CFAP54: variants seen among roughly 807,000 people sequenced by gnomAD.
CFAP54 encodes the protein cilia and flagella associated protein 54, also known as cilia- and flagella-associated protein 54.
In CFAP54, 290 loss-of-function variants were observed where a neutral mutation model predicts 370.4. That is an observed-to-expected ratio of 0.78 (90% CI 0.71 to 0.86). The LOEUF (loss-of-function observed/expected upper bound fraction) is 0.86. Ranked by LOEUF, CFAP54 falls within the 40% of genes least tolerant of loss-of-function variation. The probability of loss-of-function intolerance (pLI) is 0.00; values close to 1 mark genes in which losing one functional copy is unlikely to be tolerated. For missense variants in CFAP54, 3,399 were observed against 3,528.7 expected, an observed-to-expected ratio of 0.96 and a Z score of 0.93; for synonymous variants, 1,206 against 1,236.5, an observed-to-expected ratio of 0.98 and a Z score of 0.52.
At chr12:96,768,332 T>C (rs1192528920) in intron 60 of CFAP54, among the ~76,000 whole-genome samples, 2 of 148,258 alleles carry the variant, frequency 1.3e-5, no homozygotes, top group Non-Finnish European at 3.0e-5. Flanking sequence ...AAAAATAAAA[T>C]AGAAAAAACA....
intron 67 of CFAP54, among the ~76,000 whole-genome samples, chr12:96,861,656 T>C (rs1959882058): frequency 6.6e-6 from 1 of 152,242 alleles, no homozygotes; most frequent in African/African-American, 2.4e-5. Flanking sequence ...CTTTGGAGAA[T>C]TAACTTAAAT....
At chr12:96,496,663 C>G (rs2136344107) in intron 1 of CFAP54, among the ~76,000 whole-genome samples, 1 of 152,190 alleles carries the variant, frequency 6.6e-6, no homozygotes, top group East Asian at 1.9e-4. Flanking sequence ...AATACAACCA[C>G]ACTGGAGGTT....
chr12:96,850,571 T>A (rs1959512345), intron 66 of CFAP54, among the ~76,000 whole-genome samples: 1 of 152,160 alleles, frequency 6.6e-6, no homozygotes, highest in Admixed American at 6.5e-5. Context: ...ATCCTGGCTC[T>A]GATACTAAAT....
Position 96,679,638 on chromosome 12 carries a change from G to T in CFAP54, c.5602G>T (p.Asp1868Tyr), listed in dbSNP as rs374306783. The T allele has an allele frequency of 5.9e-5, 95 of 1,613,562 alleles. No homozygotes were observed. The East Asian group carries it at 1.3e-3, about 23-fold the overall frequency. ...CAAAGCGCTTGTCTGCGTGCCCGTG[G>T]ACGTGACAGACACCTTGAGGTGTTT... ...RAKALVCVPVDVTDTLRCFRE... is the reference protein window; with the variant it reads ...RAKALVCVPVYVTDTLRCFRE... The change falls in exon 40 of 68, where the codon GAC (aspartate) becomes TAC (tyrosine). Residue 1868 changes from aspartate to tyrosine, a missense_variant. Around this residue, in one of 3 missense-constraint regions of CFAP54, gnomAD observed 2,796 missense variants for 2,869.7 expected, o/e 0.97. Transcript: ENST00000524981.
At chr12:96,494,192 A>G (rs1191305393) in intron 1 of CFAP54, among the ~76,000 whole-genome samples, 2 of 152,210 alleles carry the variant, frequency 1.3e-5, no homozygotes, top group Non-Finnish European at 2.9e-5. Flanking sequence ...AAGAGGTACA[A>G]CAGTATGAGG....
chr12:96,591,600 T>G (rs2052295), intron 23 of CFAP54, among the ~76,000 whole-genome samples: 1 of 151,622 alleles, frequency 6.6e-6, no homozygotes, highest in African/African-American at 2.4e-5. Context: ...TTAGAAATAT[T>G]TTTTTTTGGC....
intron 45 of CFAP54, among the ~76,000 whole-genome samples, chr12:96,699,582 A>T (rs1232168985): frequency 6.6e-6 from 1 of 152,096 alleles, no homozygotes; most frequent in Non-Finnish European, 1.5e-5. Context: ...TGGGCTGGAG[A>T]ACATTAGGAG....
At position 96,743,768 on chromosome 12, in the gene CFAP54, C is replaced by T; in HGVS notation, c.7415C>T (p.Ser2472Phe). Residue 2472 changes from serine to phenylalanine, a missense_variant, in exon 54 of 68, where the codon TCT becomes TTT. Coordinates refer to ENST00000524981, the MANE Select transcript of CFAP54 (RefSeq NM_001306084.2). ...IHLLEGNEFISPQSRLTLARS... is the reference protein window; with the variant it reads ...IHLLEGNEFIFPQSRLTLARS... ...TTGCTGGAAGGAAATGAATTTATTTCTCCTCAATCACGGCTAACCCTGGCA... is the reference window on the plus strand; with the variant it reads ...TTGCTGGAAGGAAATGAATTTATTTTTCCTCAATCACGGCTAACCCTGGCA... 1 of 1,610,850 alleles carries T rather than the reference C, an allele frequency of 6.2e-7. No homozygotes were observed. Among genetic ancestry groups the T allele is most frequent in the South Asian group, 1.1e-5 (1 of 90,334 alleles).
intron 66 of CFAP54, among the ~76,000 whole-genome samples, chr12:96,841,262 T>C (rs1959212790): frequency 6.6e-6 from 1 of 152,220 alleles, no homozygotes. Flanking sequence ...TCCTGAAGTT[T>C]AGTCATTTTG....
chr12:96,568,625 T>C (rs1955884720), intron 19 of CFAP54, among the ~76,000 whole-genome samples: 1 of 152,236 alleles, frequency 6.6e-6, no homozygotes, highest in East Asian at 1.9e-4. Flanking sequence ...CGTAACAGAA[T>C]GTTTTACAAT....
intron 66 of CFAP54, among the ~76,000 whole-genome samples, chr12:96,834,805 C>T (rs1959181047): frequency 6.6e-6 from 1 of 152,228 alleles, no homozygotes; most frequent in Admixed American, 6.5e-5. Flanking sequence ...TTAGCCCTGC[C>T]ATTCGGCAGC....
intron 6 of CFAP54, among the ~76,000 whole-genome samples, chr12:96,521,502 ACG>A (rs1955313906): frequency 1.7e-5 from 2 of 115,366 alleles, no homozygotes; most frequent in African/African-American, 6.9e-5. Context: ...GCAACTGAGG[ACG>A]TGTGTGTGTG....
intron 67 of CFAP54, among the ~76,000 whole-genome samples, chr12:96,874,046 C>T (rs1960228941): frequency 1.3e-5 from 2 of 152,168 alleles, no homozygotes; most frequent in African/African-American, 4.8e-5. Flanking sequence ...ATGCCAAAAT[C>T]CTCCAGTATT....
intron 67 of CFAP54, among the ~76,000 whole-genome samples, chr12:96,871,956 G>A (rs572466956): frequency 2.0e-4 from 30 of 152,162 alleles, no homozygotes; most frequent in African/African-American, 7.2e-4. Flanking sequence ...GGGAAGTTAG[G>A]AAAGAGCCCC....
chr12:96,859,137 CAAAA>C (rs1031025542), intron 66 of CFAP54, among the ~76,000 whole-genome samples: 1 of 151,652 alleles, frequency 6.6e-6, no homozygotes, highest in Non-Finnish European at 1.5e-5. Flanking sequence ...ACAGAGGTGA[CAAAA>C]AAAAGCAATG....
chr12:96,492,701 T>C lies in CFAP54; in HGVS notation c.317+2775T>C, dbSNP rs987680645. On this transcript the variant is annotated intron_variant, in intron 1 of 67. Coordinates refer to ENST00000524981, the MANE Select transcript of CFAP54 (RefSeq NM_001306084.2). ...TTTAGTATTGAAAGGATTCAAGAGT[T>C]ATTATCCTTGGCCTGGTGCAGTGGC... Among the ~76,000 whole-genome samples, 4 of 152,206 alleles carry C rather than the reference T, an allele frequency of 2.6e-5. No homozygotes were observed. The South Asian group carries it at 8.3e-4, about 31-fold the overall frequency.
rs1565977859 is a variant in CFAP54, at chr12:96,786,665, C to A, written c.8456-10C>A. ...TATGAACCTAAACTAAGGTATTTTT[C>A]TTTCTTAAGCATCTGCAACACCAGT... is the stretch of plus-strand genomic sequence containing the variant. On this transcript the variant is annotated splice_polypyrimidine_tract_variant and intron_variant, in intron 61 of 67. Coordinates refer to ENST00000524981, the MANE Select transcript of CFAP54 (RefSeq NM_001306084.2). 1 of 1,508,284 alleles carries A rather than the reference C, an allele frequency of 6.6e-7. No homozygotes were observed. Among genetic ancestry groups the A allele is most frequent in the African/African-American group, 1.4e-5 (1 of 72,026 alleles). The allele number at this position is 1,508,284 out of a possible 1,614,324, so 93.4% of individuals were successfully genotyped here.
chr12:96,854,735 T>C (rs1005894661), intron 66 of CFAP54, among the ~76,000 whole-genome samples: 1 of 152,208 alleles, frequency 6.6e-6, no homozygotes, highest in Non-Finnish European at 1.5e-5. Flanking sequence ...TACCATTCTA[T>C]GTTTTATTTG....
intron 38 of CFAP54, among the ~76,000 whole-genome samples, chr12:96,661,259 G>A (rs1014583551): frequency 1.1e-4 from 16 of 152,122 alleles, no homozygotes; most frequent in Non-Finnish European, 1.6e-4. Context: ...GTTGCCAGCC[G>A]TCAATCAACT....
Sources: allele counts gnomAD v4.1 joint callset (sites outside exome capture counted in the v4.1 genomes callset), GRCh38; gene constraint gnomAD v4.1.1; regional missense constraint gnomAD v4.1.1; transcripts MANE v1.5; gene names NCBI Gene and HGNC (gene_info 2026-07-23, HGNC 2026-07-21).